The following HSD11B1 variants were observed in gnomAD, a reference collection of about 807,000 sequenced individuals.
The protein encoded by HSD11B1 is hydroxysteroid 11-beta dehydrogenase 1.
Under a neutral mutation model 22.1 loss-of-function variants are expected in HSD11B1, and 15 were observed. The observed-to-expected ratio is 0.68, with a 90% CI of 0.45 to 1.04. HSD11B1 has a LOEUF of 1.04. Ranked by LOEUF, HSD11B1 falls within the 50% of genes least tolerant of loss-of-function variation. HSD11B1 has a pLI of 0.00. For missense variants in HSD11B1, 281 were observed against 357.6 expected, an observed-to-expected ratio of 0.79 and a Z score of 1.73; for synonymous variants, 122 against 125.2, an observed-to-expected ratio of 0.97 and a Z score of 0.17.
At chr1:209,694,030 T>G (rs1288134114) in intron 1 of HSD11B1, among the ~76,000 whole-genome samples, 2 of 152,068 alleles carry the variant, frequency 1.3e-5, no homozygotes, top group Admixed American at 1.3e-4. Flanking sequence ...ACCGTTGTTC[T>G]CCTTTGCTGG....
chr1:209,702,459 G>C (rs2076831583), upstream of HSD11B1, among the ~76,000 whole-genome samples: 1 of 152,174 alleles, frequency 6.6e-6, no homozygotes, highest in Non-Finnish European at 1.5e-5. Flanking sequence ...TGTAAATATG[G>C]ACACAAAGTG....
Position 209,732,472 on chromosome 1 carries a change from C to A in HSD11B1, c.554C>A (p.Ala185Glu). 6.2e-7 allele frequency: 1 copy of A among 1,614,074 alleles called. No homozygotes were observed. The highest frequency in any genetic ancestry group is 8.5e-7 in the Non-Finnish European group (1 of 1,179,966). Residue 185 changes from alanine (A) to glutamate (E), a missense_variant, in exon 5 of 6, where the codon GCA becomes GAA. By Grantham distance (107) the Ala-to-Glu change is moderately radical. Coordinates refer to ENST00000367027, the MANE Select transcript of HSD11B1 (RefSeq NM_005525.4). ...VAYPMVAAYSASKFALDGFFS... is the reference protein window; with the variant it reads ...VAYPMVAAYSESKFALDGFFS... Reference sequence around the variant, plus strand: ...TATCCAATGGTTGCTGCCTATTCTGCAAGCAAGTTTGCTTTGGATGGGTTC... The same window carrying A: ...TATCCAATGGTTGCTGCCTATTCTGAAAGCAAGTTTGCTTTGGATGGGTTC...
chr1:209,698,650 T>C (rs2076807748), intron 1 of HSD11B1, among the ~76,000 whole-genome samples: 1 of 152,354 alleles, frequency 6.6e-6, no homozygotes, highest in African/African-American at 2.4e-5. Context: ...TATGCTCAGA[T>C]GTGAATCCAC....
At chr1:209,711,077 T>C (rs1394746110) in intron 4 of HSD11B1, among the ~76,000 whole-genome samples, 1 of 152,214 alleles carries the variant, frequency 6.6e-6, no homozygotes, top group African/African-American at 2.4e-5. Context: ...TGCTGGATCT[T>C]AACCTATTTG....
intron 1 of HSD11B1, among the ~76,000 whole-genome samples, chr1:209,689,514 A>G (rs1231826556): frequency 3.3e-5 from 5 of 152,158 alleles, no homozygotes; most frequent in Non-Finnish European, 5.9e-5. Flanking sequence ...TTAATCCCCA[A>G]GGTTGGAAGT....
At chr1:209,720,698 T>A (rs6672256) in intron 4 of HSD11B1, among the ~76,000 whole-genome samples, 29,883 of 151,672 alleles carry the variant, frequency 0.2, 3,005 homozygotes, top group East Asian at 0.22. Context: ...AAATGCCAAC[T>A]CATGATCCTC....
At position 209,705,996 on chromosome 1, in the gene HSD11B1, TATATATGCTC is replaced by T. The variant is rs2076856668; in HGVS notation, c.219+57_219+66del. The stretch of plus-strand genomic sequence containing the variant: ...ACCGTCACATGCTCAGATGTGTTCT[TATATATGCTC>T]ACATATACACAGAAGCTAGCATATC... On this transcript the variant is annotated intron_variant, in intron 2 of 5. Transcript: ENST00000367027. 3 of 1,606,178 alleles carry T rather than the reference TATATATGCTC, an allele frequency of 1.9e-6. No individual in the cohort carries two copies. The African/African-American group carries it at 4.1e-5, about 22-fold the overall frequency.
upstream of HSD11B1, chr1:209,704,815 G>A (rs529612378): frequency 7.0e-5 from 51 of 727,686 alleles, no homozygotes; most frequent in South Asian, 7.1e-4. Context: ...CACTGCCTGA[G>A]ACTACTCCAG....
intron 1 of HSD11B1, among the ~76,000 whole-genome samples, chr1:209,699,673 G>A (rs1197003180): frequency 6.6e-6 from 1 of 152,104 alleles, no homozygotes; most frequent in Admixed American, 6.5e-5. Context: ...GTCCCCCAAA[G>A]TTTTAACTCA....
intron 1 of HSD11B1, among the ~76,000 whole-genome samples, chr1:209,693,771 A>G (rs10082248): frequency 0.9 from 136,813 of 152,268 alleles, 61,867 homozygotes; most frequent in Non-Finnish European, 0.95. Context: ...ACCCTCTTTC[A>G]GATCTCCATG....
intron 1 of HSD11B1, among the ~76,000 whole-genome samples, chr1:209,687,834 T>C (rs2076737239): frequency 6.6e-6 from 1 of 152,198 alleles, no homozygotes; most frequent in South Asian, 2.1e-4. Context: ...TCCCCAATAG[T>C]TTAGTTTTTC....
Position 209,706,039 on chromosome 1 carries a change from T to C in HSD11B1, c.219+98T>C, listed in dbSNP as rs2076856944. The C allele has an allele frequency of 6.6e-7, 1 of 1,511,104 alleles. No individual in the cohort carries two copies. Among genetic ancestry groups the C allele is most frequent in the African/African-American group, 1.4e-5 (1 of 72,908 alleles). The allele number at this position is 1,511,104 out of a possible 1,614,324, so 93.6% of individuals were successfully genotyped here. A position where few individuals can be genotyped will look rare whatever the true frequency, so the allele number is the denominator to read the frequency against. ...CACAGAAGCTAGCATATCGCAGATC[T>C]ATATACAGAGGCACATGCACACACA... On this transcript the variant is annotated intron_variant, in intron 2 of 5. Coordinates refer to ENST00000367027, the MANE Select transcript of HSD11B1 (RefSeq NM_005525.4). This position sits in a 1 kb window ranked among gnomAD's most constrained non-coding sequence, Gnocchi z 4.0.
intron 4 of HSD11B1, among the ~76,000 whole-genome samples, chr1:209,727,825 C>G (rs1404472278): frequency 6.6e-6 from 1 of 152,202 alleles, no homozygotes; most frequent in African/African-American, 2.4e-5. Flanking sequence ...TTGCAGAATA[C>G]TTGTCTCCGC....
At chr1:209,695,813 T>TA (rs915883083) in intron 1 of HSD11B1, among the ~76,000 whole-genome samples, 4 of 151,670 alleles carry the variant, frequency 2.6e-5, no homozygotes, top group South Asian at 2.1e-4. Flanking sequence ...CTCAAAAAAA[T>TA]AAAAAAAAGT....
At chr1:209,731,545 T>C (rs1028042438) in intron 4 of HSD11B1, among the ~76,000 whole-genome samples, 1 of 152,182 alleles carries the variant, frequency 6.6e-6, no homozygotes, top group African/African-American at 2.4e-5. Flanking sequence ...CGGTAAAGAC[T>C]ATAGGGTCTC....
chr1:209,718,562 A>C (rs1371295157), intron 4 of HSD11B1, among the ~76,000 whole-genome samples: 2 of 152,064 alleles, frequency 1.3e-5, no homozygotes, highest in Non-Finnish European at 2.9e-5. Flanking sequence ...CCACACCCCC[A>C]AAAAACAGAA....
intron 1 of HSD11B1, among the ~76,000 whole-genome samples, chr1:209,687,565 A>C (rs960056481): frequency 6.6e-6 from 1 of 152,260 alleles, no homozygotes; most frequent in Admixed American, 6.5e-5. Flanking sequence ...CTTGTTTGCC[A>C]GATGAGGGAA....
intron 1 of HSD11B1, among the ~76,000 whole-genome samples, chr1:209,695,853 A>G (rs2076788168): frequency 6.6e-6 from 1 of 152,196 alleles, no homozygotes; most frequent in Admixed American, 6.5e-5. Context: ...TGACCCAGCA[A>G]TGCCACTCTT....
intron 5 of HSD11B1, among the ~76,000 whole-genome samples, chr1:209,732,895 T>C (rs1176262914): frequency 6.6e-6 from 1 of 152,186 alleles, no homozygotes; most frequent in Non-Finnish European, 1.5e-5. Flanking sequence ...CTGTCTGCCT[T>C]ACCATTGTGG....
Sources: allele counts gnomAD v4.1 joint callset (sites outside exome capture counted in the v4.1 genomes callset), GRCh38; gene constraint gnomAD v4.1.1; non-coding constraint Gnocchi (gnomAD v3.1); transcripts MANE v1.5; gene names NCBI Gene and HGNC (gene_info 2026-07-23, HGNC 2026-07-21).